Variants in SLC24A2 observed in about 807,000 individuals in gnomAD.
The protein encoded by SLC24A2 is sodium/potassium/calcium exchanger 2.
In SLC24A2, 36 loss-of-function variants were observed where a neutral mutation model predicts 62.0. The observed-to-expected ratio is 0.58, with a 90% CI of 0.44 to 0.77. The LOEUF (loss-of-function observed/expected upper bound fraction) is 0.77. Among genes scored for constraint, SLC24A2 ranks in the 30% least tolerant of loss-of-function variants. The pLI is 0.00. For synonymous variants in SLC24A2, 358 were observed against 294.0 expected (o/e 1.22, Z -2.23); for missense variants, 846 against 817.9 (o/e 1.03, Z -0.42).
At chr9:20,219,655 G>T in the SLC24A2 span, among the ~76,000 whole-genome samples, 1 of 152,110 alleles carries the variant, frequency 6.6e-6, no homozygotes, top group Non-Finnish European at 1.5e-5. Context: ...GTTGGCACAG[G>T]ATAATTAACT....
intron 4 of SLC24A2, among the ~76,000 whole-genome samples, chr9:19,614,579 A>G (rs1392567955): frequency 6.6e-6 from 1 of 152,170 alleles, no homozygotes; most frequent in Non-Finnish European, 1.5e-5. Flanking sequence ...TTTTGTCCCC[A>G]TGAGTCTGGG....
Position 19,511,620 on chromosome 9 carries a change from A to G in SLC24A2, c.*4533T>C, listed in dbSNP as rs1219791357. 6.6e-6 allele frequency: 1 copy of G among 152,140 alleles called. No homozygotes were observed. Among genetic ancestry groups the G allele is most frequent in the East Asian group, 1.9e-4 (1 of 5,200 alleles). 9.4% of individuals were successfully genotyped at this position (152,140 alleles called of 1,614,324 possible). A position where few individuals can be genotyped will look rare whatever the true frequency, so the allele number is the denominator to read the frequency against. On this transcript the variant is annotated 3_prime_UTR_variant, in exon 11 of 11. Coordinates refer to ENST00000341998, the MANE Select transcript of SLC24A2 (RefSeq NM_020344.4). ...TGAAGACAGTATTGTTGAGACAGGT[A>G]TAGGGGTTGAGGAGGTATCTTTTAA...
At chr9:20,052,576 G>A in the SLC24A2 span, among the ~76,000 whole-genome samples, 2 of 152,098 alleles carry the variant, frequency 1.3e-5, no homozygotes, top group Non-Finnish European at 2.9e-5. Context: ...GTTATTTTCA[G>A]ATAGAGCCTC....
At chr9:20,281,454 G>T in the SLC24A2 span, among the ~76,000 whole-genome samples, 2 of 152,000 alleles carry the variant, frequency 1.3e-5, no homozygotes, top group African/African-American at 4.8e-5. Flanking sequence ...CAGCACCTCA[G>T]AAACTTCCAT....
chr9:19,598,607 A>G (rs1836766392), intron 4 of SLC24A2, among the ~76,000 whole-genome samples: 1 of 152,116 alleles, frequency 6.6e-6, no homozygotes, highest in Admixed American at 6.5e-5. Context: ...AATTTTGTAT[A>G]AATAGAAAGA....
At chr9:19,848,744 C>T in the SLC24A2 span, among the ~76,000 whole-genome samples, 2 of 152,008 alleles carry the variant, frequency 1.3e-5, no homozygotes, top group African/African-American at 4.8e-5. Flanking sequence ...ACCTTCTAAC[C>T]ACAAAAGATT....
chr9:19,607,226 C>T (rs1007114125), intron 4 of SLC24A2, among the ~76,000 whole-genome samples: 6 of 152,154 alleles, frequency 3.9e-5, no homozygotes, highest in African/African-American at 1.4e-4. Context: ...TCAGTGACTG[C>T]CCCCATCCTT....
chr9:20,258,028 AC>A, the SLC24A2 span, among the ~76,000 whole-genome samples: 1 of 151,832 alleles, frequency 6.6e-6, no homozygotes, highest in Non-Finnish European at 1.5e-5. Context: ...TTACCTTAAA[AC>A]CTTTTTGCAT....
chr9:20,093,012 T>A, the SLC24A2 span, among the ~76,000 whole-genome samples: 2 of 152,176 alleles, frequency 1.3e-5, no homozygotes, highest in Non-Finnish European at 2.9e-5. Flanking sequence ...TGATTTCTTA[T>A]GTGAATTGTA....
chr9:19,742,250 G>A (rs1421156476), intron 2 of SLC24A2, among the ~76,000 whole-genome samples: 2 of 152,174 alleles, frequency 1.3e-5, no homozygotes, highest in Non-Finnish European at 2.9e-5. Flanking sequence ...CAAACAAAGA[G>A]CACCCTGTTA....
the SLC24A2 span, among the ~76,000 whole-genome samples, chr9:20,052,145 A>G: frequency 6.6e-6 from 1 of 152,182 alleles, no homozygotes; most frequent in Non-Finnish European, 1.5e-5. Context: ...TATATATTTA[A>G]TTGCTTCATT....
the SLC24A2 span, among the ~76,000 whole-genome samples, chr9:19,819,516 A>G: frequency 6.6e-6 from 1 of 151,520 alleles, no homozygotes; most frequent in African/African-American, 2.4e-5. Context: ...AATCAGTAAG[A>G]AAAAAACAAT....
intron 2 of SLC24A2, among the ~76,000 whole-genome samples, chr9:19,769,923 C>T (rs1046022881): frequency 6.6e-6 from 1 of 152,042 alleles, no homozygotes; most frequent in Non-Finnish European, 1.5e-5. Flanking sequence ...TTAAAATCTG[C>T]TTAAAGGCAC....
At chr9:20,060,773 T>A in the SLC24A2 span, among the ~76,000 whole-genome samples, 1 of 152,150 alleles carries the variant, frequency 6.6e-6, no homozygotes, top group Non-Finnish European at 1.5e-5. Flanking sequence ...TATTTGCAGG[T>A]GATATGTAGA....
chr9:19,778,284 A>G (rs1822903791), intron 2 of SLC24A2, among the ~76,000 whole-genome samples: 1 of 152,220 alleles, frequency 6.6e-6, no homozygotes, highest in African/African-American at 2.4e-5. Flanking sequence ...GACCAAATAC[A>G]AGTCCAGAAA....
At chr9:20,153,907 C>G in the SLC24A2 span, among the ~76,000 whole-genome samples, 1 of 151,628 alleles carries the variant, frequency 6.6e-6, no homozygotes, top group Admixed American at 6.6e-5. Context: ...AATATTTTTG[C>G]TGGAAAAAAG....
chr9:19,822,293 A>T, the SLC24A2 span, among the ~76,000 whole-genome samples: 5 of 152,166 alleles, frequency 3.3e-5, no homozygotes, highest in South Asian at 2.1e-4. Flanking sequence ...TGCATTTTAA[A>T]CTTGTAGACC....
the SLC24A2 span, among the ~76,000 whole-genome samples, chr9:20,148,445 G>C: frequency 6.6e-6 from 1 of 152,096 alleles, no homozygotes; most frequent in Admixed American, 6.6e-5. Context: ...TGGGCATGAA[G>C]TCAAAGGAGG....
the SLC24A2 span, among the ~76,000 whole-genome samples, chr9:19,824,497 A>C: frequency 6.6e-6 from 1 of 152,196 alleles, no homozygotes; most frequent in African/African-American, 2.4e-5. Flanking sequence ...TTAGAATGGC[A>C]ATCATTAAAA....
Sources: allele counts gnomAD v4.1 joint callset (sites outside exome capture counted in the v4.1 genomes callset), GRCh38; gene constraint gnomAD v4.1.1; transcripts MANE v1.5; gene names NCBI Gene and HGNC (gene_info 2026-07-23, HGNC 2026-07-21).